Variants in MYBBP1A observed in about 807,000 individuals in gnomAD.
The protein encoded by MYBBP1A is MYB binding protein 1a, also known as myb-binding protein 1A.
In MYBBP1A, 147 loss-of-function variants were observed where a neutral mutation model predicts 136.3. That is an observed-to-expected ratio of 1.08 (90% confidence interval 0.94 to 1.24). MYBBP1A has a LOEUF of 1.24. Ranked by LOEUF, MYBBP1A falls within the 50% of genes most tolerant of loss-of-function variation. MYBBP1A has a pLI of 0.00. For synonymous variants in MYBBP1A, 947 were observed against 735.8 expected, an observed-to-expected ratio of 1.29 and a Z score of -4.65; for missense variants, 2,060 against 1,727.4, an observed-to-expected ratio of 1.19 and a Z score of -3.41.
In MYBBP1A at chr17:4,545,007, C is replaced by T. The variant is rs1567607476; in HGVS notation, c.2310+19G>A. On this transcript the variant is annotated intron_variant, in intron 17 of 25. Transcript: ENST00000254718. ...CCGAGCCCTCCCCGGCCGCCCCCCC[C>T]TCCACCTCCCCCACTCACCAGCGCC... The T allele has an allele frequency of 3.4e-6, 5 of 1,479,138 alleles. No individual in the cohort carries two copies. Among genetic ancestry groups the T allele is most frequent in the East Asian group, 5.0e-5 (2 of 39,956 alleles). The allele number at this position is 1,479,138 out of a possible 1,614,324, so 91.6% of individuals were successfully genotyped here.
Position 4,548,412 on chromosome 17 carries a change from A to G in MYBBP1A, c.1557-102T>C. ...TCGGTCTCCCGCCTCTCCAGGACCT[A>G]CTAGAACTCCGGGGGCCTCTGCCGT... is the stretch of plus-strand genomic sequence containing the variant. On this transcript the variant is annotated intron_variant, in intron 11 of 25. Coordinates refer to ENST00000254718, the MANE Select transcript of MYBBP1A (RefSeq NM_014520.4). The surrounding 1 kb of genome is among the most constrained non-coding windows in gnomAD (Gnocchi z 4.2). 6.2e-7 allele frequency: 1 copy of G among 1,604,102 alleles called. No homozygotes were observed.
chr17:4,554,595 G>GCCCA (rs1261342467), intron 2 of MYBBP1A, among the ~76,000 whole-genome samples: 1 of 152,208 alleles, frequency 6.6e-6, no homozygotes, highest in East Asian at 1.9e-4. Flanking sequence ...GCCTAAGGGA[G>GCCCA]CCCACCCAGC....
In MYBBP1A at chr17:4,542,544, T is replaced by A. The variant is rs1381180556; in HGVS notation, c.3019-12A>T. On this transcript the variant is annotated splice_polypyrimidine_tract_variant and intron_variant, in intron 21 of 25. Transcript: ENST00000254718. Reference sequence around the variant, plus strand: ...CTCTGACAGAGCACCTGGTGGGGAGTGACAAGGGCTGTGAGGTGCAGGCTG... The same window carrying A: ...CTCTGACAGAGCACCTGGTGGGGAGAGACAAGGGCTGTGAGGTGCAGGCTG... 6.2e-7 allele frequency: 1 copy of A among 1,609,554 alleles called. No homozygotes were observed. Among genetic ancestry groups the A allele is most frequent in the African/African-American group, 1.3e-5 (1 of 74,278 alleles).
chr17:4,540,403 CGGT>C lies in MYBBP1A; in HGVS notation c.3376_3378del (p.Thr1126del), dbSNP rs751522809. ...TAGAGGTCGTGCAGGCGGCTGGAGC[CGGT>C]GGAGTGTGCCCCCTGCTGTAGGCTC... is the stretch of plus-strand genomic sequence containing the variant. On this transcript the variant is annotated inframe_deletion, in exon 25 of 26. Coordinates refer to ENST00000254718, the MANE Select transcript of MYBBP1A (RefSeq NM_014520.4). 1 of 1,610,630 alleles carries C rather than the reference CGGT, an allele frequency of 6.2e-7. No homozygotes were observed. The highest frequency in any genetic ancestry group is 2.2e-5 in the East Asian group (1 of 44,876).
intron 21 of MYBBP1A, 22 bp downstream of exon 21, chr17:4,542,594 C>T (rs763966414): frequency 1.2e-6 from 2 of 1,613,340 alleles, no homozygotes; most frequent in South Asian, 2.2e-5. Flanking sequence ...CATGAGGAAG[C>T]AGGGCAGGCC....
In MYBBP1A at chr17:4,539,498, G is replaced by A. The variant is rs771414605; in HGVS notation, c.3904C>T (p.Leu1302=). Reference sequence around the variant, plus strand: ...CTGGGACTCCTGATGACCAAAGACAGCCTTGCCTTTTTCCGTGCCAGCGCG... The same window carrying A: ...CTGGGACTCCTGATGACCAAAGACAACCTTGCCTTTTTCCGTGCCAGCGCG... ...LSALARKKAR[L]SLVIRSPSLL... The change falls in exon 26 of 26, where the codon CTG becomes TTG. Residue 1302 remains leucine, a synonymous_variant. Coordinates refer to ENST00000254718, the MANE Select transcript of MYBBP1A (RefSeq NM_014520.4). The A allele has an allele frequency of 3.1e-6, 5 of 1,614,076 alleles. No individual in the cohort carries two copies. The African/African-American group carries it at 5.3e-5, about 17-fold the overall frequency.
rs534241110 is a variant in MYBBP1A, at chr17:4,542,993, T to A, written c.2812A>T (p.Thr938Ser). ...LYLLRVLKGN[T>S]AEGCVHETQE... is the part of the protein sequence containing the mutation. The stretch of plus-strand genomic sequence containing the variant: ...GTCTCATGCACGCAGCCCTCAGCAG[T>A]GTTGCCCTTCAAGACCCGGAGCAGG... The change falls in exon 20 of 26, where the codon ACT becomes TCT. Residue 938 changes from threonine to serine, a missense_variant. By Grantham distance (58) the Thr-to-Ser change is moderately conservative. Coordinates refer to ENST00000254718, the MANE Select transcript of MYBBP1A (RefSeq NM_014520.4). 1.9e-6 allele frequency: 3 copies of A among 1,613,836 alleles called. No homozygotes were observed. The highest frequency in any genetic ancestry group is 2.5e-6 in the Non-Finnish European group (3 of 1,179,966).
In MYBBP1A at chr17:4,544,856, G is replaced by A. The variant is rs1861547138; in HGVS notation, c.2376C>T (p.Ser792=). 1.9e-6 allele frequency: 3 copies of A among 1,607,824 alleles called. No individual in the cohort carries two copies. The highest frequency in any genetic ancestry group is 2.5e-6 in the Non-Finnish European group (3 of 1,177,768). ...TCTGCTCGGCAAAGAGGCTGGCGAGGCTCTGGTCCAGGGCCATCATGGCCT... is the reference window on the plus strand; with the variant it reads ...TCTGCTCGGCAAAGAGGCTGGCGAGACTCTGGTCCAGGGCCATCATGGCCT... The part of the protein sequence containing the change: ...GDEAMMALDQ[S]LASLFAEQKL... The change falls in exon 18 of 26, where the codon AGC becomes AGT. Residue 792 remains serine, a synonymous_variant. Coordinates refer to ENST00000254718, the MANE Select transcript of MYBBP1A (RefSeq NM_014520.4).
At chr17:4,543,855 C>T (rs78269826) in intron 19 of MYBBP1A, among the ~76,000 whole-genome samples, 3 of 151,770 alleles carry the variant, frequency 2.0e-5, no homozygotes, top group East Asian at 3.9e-4. Flanking sequence ...CGCTGCCAGC[C>T]GTTTCTGAAA....
intron 24 of MYBBP1A, among the ~76,000 whole-genome samples, chr17:4,540,732 C>T (rs1906336736): frequency 6.6e-6 from 1 of 152,166 alleles, no homozygotes; most frequent in African/African-American, 2.4e-5. Context: ...GTGTCCTCCC[C>T]TCCAGCAGTG....
intron 25 of MYBBP1A, 150 bp from the exon 26 acceptor site, chr17:4,540,117 G>T: frequency 8.6e-7 from 1 of 1,163,636 alleles, no homozygotes; most frequent in Non-Finnish European, 1.2e-6. Context: ...GTCCTATGAG[G>T]GTCCTGCGAG....
At chr17:4,547,918 A>G in intron 13 of MYBBP1A, 40 bp downstream of exon 13, 2 of 1,420,544 alleles carry the variant, frequency 1.4e-6, no homozygotes, top group Non-Finnish European at 1.9e-6. Flanking sequence ...TGTGCCATAG[A>G]ACCCCAGGCT....
rs1203215441 is a variant in MYBBP1A at position 4,548,217 on chromosome 17, G to T, written c.1650C>A (p.Asp550Glu). 6.2e-7 allele frequency: 1 copy of T among 1,609,974 alleles called. No homozygotes were observed. ...CGTTGTGGCTGTGATTCAACAGGAG[G>T]TCTGCGAACTGCACCAGGTGGTAGG... The part of the protein sequence containing the change: ...PWTYHLVQFA[D>E]LLLNHSHNVT... Residue 550 changes from aspartate (D) to glutamate (E), a missense_variant, in exon 12 of 26, where the codon GAC (aspartate) becomes GAA (glutamate). Coordinates refer to ENST00000254718, the MANE Select transcript of MYBBP1A (RefSeq NM_014520.4). The surrounding 1 kb of genome is among the most constrained non-coding windows in gnomAD (Gnocchi z 4.2).
rs1404919833 is a variant in MYBBP1A at position 4,544,913 on chromosome 17, C to T, written c.2319G>A (p.Glu773=). Residue 773 remains glutamate (E), a synonymous_variant, in exon 18 of 26, where the codon GAG becomes GAA. Transcript: ENST00000254718. The part of the protein sequence containing the change: ...VLQAGKALGG[E]DSENEEELGD... Reference sequence around the variant, plus strand: ...CCAGCTCCTCCTCGTTCTCACTGTCCTCTCCACCCTGAGGGACAGAGGCCC... The same window carrying T: ...CCAGCTCCTCCTCGTTCTCACTGTCTTCTCCACCCTGAGGGACAGAGGCCC... 4 of 1,599,642 alleles carry T rather than the reference C, an allele frequency of 2.5e-6. No homozygotes were observed. Among genetic ancestry groups the T allele is most frequent in the Admixed American group, 1.7e-5 (1 of 59,294 alleles).
At position 4,548,211 on chromosome 17, in the gene MYBBP1A, C is replaced by T. The variant is rs202095714; in HGVS notation, c.1656G>A (p.Leu552=). Reference sequence around the variant, plus strand: ...TGGTCACGTTGTGGCTGTGATTCAACAGGAGGTCTGCGAACTGCACCAGGT... The same window carrying T: ...TGGTCACGTTGTGGCTGTGATTCAATAGGAGGTCTGCGAACTGCACCAGGT... ...TYHLVQFADL[L]LNHSHNVTTV... The change falls in exon 12 of 26, where the codon CTG becomes CTA. Residue 552 remains leucine (L), a synonymous_variant. Transcript: ENST00000254718. The surrounding 1 kb of genome is among the most constrained non-coding windows in gnomAD (Gnocchi z 4.2). The T allele has an allele frequency of 1.4e-5, 22 of 1,609,410 alleles. No homozygotes were observed. In the East Asian group the frequency reaches 4.5e-4, roughly 33 times the overall value.
chr17:4,553,195 G>C (rs1404489363), intron 5 of MYBBP1A, among the ~76,000 whole-genome samples: 1 of 152,224 alleles, frequency 6.6e-6, no homozygotes, highest in Non-Finnish European at 1.5e-5. Context: ...AGGAGCCCTA[G>C]GTGGAGAGCT....
rs376880467 is a variant in MYBBP1A, at chr17:4,541,775, G to C, written c.3195+9C>G. On this transcript the variant is annotated intron_variant, in intron 23 of 25. Transcript: ENST00000254718. ...AGGGGGTGGGGAAAGGGCGCCCCCC[G>C]GCTGTTACCTCGGTGACCTTTGCTA... The C allele has an allele frequency of 2.6e-5, 42 of 1,611,478 alleles. No individual in the cohort carries two copies. In the African/African-American group the frequency reaches 4.1e-4, roughly 16 times the overall value.
chr17:4,541,498 G>T lies in MYBBP1A; in HGVS notation c.3262C>A (p.Leu1088Met). ...QHQQALSSLE[L>M]LNVLFRTCKH... is the part of the protein sequence containing the mutation. ...CAGGTCCTGAAGAGAACGTTGAGCA[G>T]CTCCAGGGAGGACAGTGCCTGCTGA... Residue 1088 changes from leucine (L) to methionine (M), a missense_variant, in exon 24 of 26, where the codon CTG becomes ATG. Leu to Met is a conservative substitution (Grantham distance 15, BLOSUM62 2). Transcript: ENST00000254718. The T allele has an allele frequency of 6.2e-7, 1 of 1,613,566 alleles. No homozygotes were observed. Among genetic ancestry groups the T allele is most frequent in the Non-Finnish European group, 8.5e-7 (1 of 1,180,036 alleles).
intron 24 of MYBBP1A, 106 bp from the exon 25 acceptor site, chr17:4,540,590 T>C: frequency 7.5e-7 from 1 of 1,337,598 alleles, no homozygotes; most frequent in African/African-American, 1.5e-5. Context: ...CAGTGACCCC[T>C]GCCCCTTCCT....
Sources: gnomAD v4.1 joint callset for allele counts (sites outside exome capture counted in the v4.1 genomes callset) on GRCh38, gnomAD v4.1.1 for gene constraint, Gnocchi (gnomAD v3.1) non-coding constraint, MANE v1.5 for transcripts, NCBI Gene and HGNC (gene_info 2026-07-23, HGNC 2026-07-21) for gene names.